The following RBM4 variants were observed in gnomAD, a reference collection of about 807,000 sequenced individuals.
The protein encoded by RBM4 is RNA binding motif protein 4.
Under a neutral mutation model 29.5 loss-of-function variants are expected in RBM4, and 7 were observed. The observed-to-expected ratio is 0.24, with a 90% CI of 0.14 to 0.45. The LOEUF (loss-of-function observed/expected upper bound fraction) is 0.45, where lower values mean the gene tolerates loss of function less well. Among genes scored for constraint, RBM4 ranks in the 20% least tolerant of loss-of-function variants. The probability of loss-of-function intolerance (pLI) is 1.00; values close to 1 mark genes in which losing one functional copy is unlikely to be tolerated. For missense variants in RBM4, 387 were observed against 502.3 expected (o/e 0.77, Z 2.19); for synonymous variants, 220 against 205.4 (o/e 1.07, Z -0.61).
At chr11:66,653,138 C>T (rs1055407516) in intron 2 of RBM4, among the ~76,000 whole-genome samples, 1 of 152,074 alleles carries the variant, frequency 6.6e-6, no homozygotes, top group East Asian at 1.9e-4. Context: ...AGTTTCACAA[C>T]GTAAGGAAGA....
intron 2 of RBM4, among the ~76,000 whole-genome samples, chr11:66,651,968 T>G (rs1938842022): frequency 6.6e-6 from 1 of 152,110 alleles, no homozygotes; most frequent in Non-Finnish European, 1.5e-5. Flanking sequence ...TGGGGGGACA[T>G]AAACACTCAA....
In RBM4 at chr11:66,662,358, T is replaced by A. The variant is rs114167212; in HGVS notation, c.413-3498T>A. ...TGATATAGAACTCTTTTGCAGAAAATTTTTTTTCTTGTGCCAATGACATAG... is the reference window on the plus strand; with the variant it reads ...TGATATAGAACTCTTTTGCAGAAAAATTTTTTTCTTGTGCCAATGACATAG... On this transcript the variant is annotated intron_variant, in intron 2 of 2. Transcript: ENST00000396053. Among the ~76,000 whole-genome samples, 1,348 of 152,108 alleles carry A rather than the reference T, an allele frequency of 8.9e-3. 22 individuals are homozygous for A. The highest frequency in any genetic ancestry group is 0.03 in the African/African-American group (1,254 of 41,464).
chr11:66,651,125 G>C (rs190021481), downstream of RBM4, among the ~76,000 whole-genome samples: 11 of 152,106 alleles, frequency 7.2e-5, no homozygotes, highest in East Asian at 1.9e-4. Context: ...GTAGACTCGG[G>C]GGGGGATGGA....
Position 66,639,967 on chromosome 11 carries a change from A to G in RBM4, c.256A>G (p.Ser86Gly). The change falls in exon 2 of 4, where the codon AGT becomes GGT. Residue 86 changes from serine to glycine, a missense_variant. Physicochemically the swap from Ser to Gly is moderately conservative, Grantham distance 56 (BLOSUM62 0). Coordinates refer to ENST00000310092, the MANE Select transcript of RBM4 (RefSeq NM_002896.4). ...TSTKLHVGNI[S>G]PTCTNKELRA... ...AACAAAGTTGCATGTGGGCAACATC[A>G]GTCCCACCTGCACCAATAAGGAGCT... The G allele has an allele frequency of 6.2e-7, 1 of 1,614,232 alleles. No individual in the cohort carries two copies. The highest frequency in any genetic ancestry group is 8.5e-7 in the Non-Finnish European group (1 of 1,180,050).
downstream of RBM4, among the ~76,000 whole-genome samples, chr11:66,647,141 T>G (rs1049451236): frequency 6.6e-6 from 1 of 152,210 alleles, no homozygotes; most frequent in Non-Finnish European, 1.5e-5. Flanking sequence ...CTTGAAACAG[T>G]TATTTGTCTT....
At position 66,639,852 on chromosome 11, in the gene RBM4, A is replaced by G. The variant is rs771309396; in HGVS notation, c.141A>G (p.Ala47=). Residue 47 remains alanine, a synonymous_variant, in exon 2 of 4, where the codon GCA becomes GCG. Coordinates refer to ENST00000310092, the MANE Select transcript of RBM4 (RefSeq NM_002896.4). The part of the protein sequence containing the change: ...YGFVHIEDKT[A]AEDAIRNLHH... ...TTGTGCACATAGAAGACAAGACGGCAGCTGAGGATGCCATACGCAACCTGC... is the reference window on the plus strand; with the variant it reads ...TTGTGCACATAGAAGACAAGACGGCGGCTGAGGATGCCATACGCAACCTGC... 1 of 1,614,054 alleles carries G rather than the reference A, an allele frequency of 6.2e-7. No individual in the cohort carries two copies. The highest frequency in any genetic ancestry group is 2.2e-5 in the East Asian group (1 of 44,894).
chr11:66,642,142 G>A (rs1007335298), intron 2 of RBM4, among the ~76,000 whole-genome samples: 1 of 152,174 alleles, frequency 6.6e-6, no homozygotes, highest in African/African-American at 2.4e-5. Flanking sequence ...AGACCTCCTT[G>A]ATATTTTGTT....
intron 2 of RBM4, among the ~76,000 whole-genome samples, chr11:66,652,938 T>C (rs1938863883): frequency 6.6e-6 from 1 of 152,184 alleles, no homozygotes; most frequent in East Asian, 1.9e-4. Context: ...TAGCTAGTGA[T>C]GAGTGAATTG....
At chr11:66,656,657 GC>G (rs1263909002) in intron 2 of RBM4, among the ~76,000 whole-genome samples, 1 of 151,766 alleles carries the variant, frequency 6.6e-6, no homozygotes, top group African/African-American at 2.4e-5. Context: ...TTTTTGGGGG[GC>G]CTTTTGTTTT....
chr11:66,665,355 T>C, intron 2 of RBM4: 1 of 586,196 alleles, frequency 1.7e-6, no homozygotes. Flanking sequence ...CTAGGGCTGC[T>C]CAGAGGCTGA....
At chr11:66,641,270 A>T (rs1938450491) in intron 2 of RBM4, 1 of 152,222 alleles carries the variant, frequency 6.6e-6, no homozygotes, top group African/African-American at 2.4e-5. Context: ...TTTTCTGGGT[A>T]CTACCTTTGT....
chr11:66,655,125 A>C (rs956509297), intron 2 of RBM4, among the ~76,000 whole-genome samples: 1 of 151,964 alleles, frequency 6.6e-6, no homozygotes, highest in Non-Finnish European at 1.5e-5. Context: ...AGCTGGGATT[A>C]CAGGCATGCA....
chr11:66,653,604 C>T (rs1052050848), intron 2 of RBM4, among the ~76,000 whole-genome samples: 25 of 152,248 alleles, frequency 1.6e-4, no homozygotes, highest in Middle Eastern at 3.4e-3. Context: ...TCAGGTGATC[C>T]ACCTGCCTTG....
At chr11:66,659,948 A>T (rs912588297) in intron 2 of RBM4, among the ~76,000 whole-genome samples, 1 of 152,082 alleles carries the variant, frequency 6.6e-6, no homozygotes, top group Non-Finnish European at 1.5e-5. Flanking sequence ...GTTACTTAGA[A>T]CCTTTCAGCA....
At chr11:66,658,337 C>CTTTTTTTTTTTTTTTTTTTTT (rs35133059) in intron 2 of RBM4, among the ~76,000 whole-genome samples, 1 of 50,458 alleles carries the variant, frequency 2.0e-5, no homozygotes, top group Non-Finnish European at 3.4e-5. Context: ...CTAGTCTGAC[C>CTTTTTTTTTTTTTTTTTTTTT]TTTTTTTTTT....
intron 2 of RBM4, among the ~76,000 whole-genome samples, chr11:66,663,213 T>C (rs1939118163): frequency 6.6e-6 from 1 of 152,212 alleles, no homozygotes; most frequent in Non-Finnish European, 1.5e-5. Flanking sequence ...CTAGAAGACA[T>C]ACTTTACTGC....
In RBM4 at chr11:66,643,912, C is replaced by A. The variant is rs745344458; in HGVS notation, c.875C>A (p.Ala292Asp). ...AAATAAAAAAAAAAVTAASTS... is the reference protein window; with the variant it reads ...AAATAAAAAADAAAVTAASTS... ...GCCACAGCTGCTGCTGCAGCAGCAG[C>A]CGCTGCTGCTGTTACTGCAGCTTCC... The change falls in exon 3 of 4, where the codon GCC becomes GAC. Residue 292 changes from alanine (A) to aspartate (D), a missense_variant. By Grantham distance (126) the Ala-to-Asp change is moderately radical. Around this residue, in one of 2 missense-constraint regions of RBM4, gnomAD observed 281 missense variants for 288.7 expected, o/e 0.97. Transcript: ENST00000310092. This position sits in a 1 kb window ranked among gnomAD's most constrained non-coding sequence, Gnocchi z 6.1. 2.5e-6 allele frequency: 4 copies of A among 1,611,376 alleles called. No individual in the cohort carries two copies. The African/African-American group carries it at 4.0e-5, about 16-fold the overall frequency.
At chr11:66,660,311 TA>T (rs1262581109) in intron 2 of RBM4, among the ~76,000 whole-genome samples, 2 of 151,260 alleles carry the variant, frequency 1.3e-5, no homozygotes, top group Non-Finnish European at 2.9e-5. Flanking sequence ...TAATTTGTGG[TA>T]CTTATCACAA....
In RBM4 at chr11:66,639,891, T is replaced by C; in HGVS notation, c.180T>C (p.Leu60=). ...TACGCAACCTGCACCATTACAAGCTTCATGGGGTGAACATCAACGTGGAAG... is the reference window on the plus strand; with the variant it reads ...TACGCAACCTGCACCATTACAAGCTCCATGGGGTGAACATCAACGTGGAAG... The part of the protein sequence containing the change: ...DAIRNLHHYK[L]HGVNINVEAS... The change falls in exon 2 of 4, where the codon CTT becomes CTC. Residue 60 remains leucine (L), a synonymous_variant. Transcript: ENST00000310092. 1 of 1,614,102 alleles carries C rather than the reference T, an allele frequency of 6.2e-7. No homozygotes were observed. The highest frequency in any genetic ancestry group is 8.5e-7 in the Non-Finnish European group (1 of 1,180,018).
Sources: gnomAD v4.1 joint callset for allele counts (sites outside exome capture counted in the v4.1 genomes callset) on GRCh38, gnomAD v4.1.1 for gene constraint, gnomAD v4.1.1 regional missense constraint, Gnocchi (gnomAD v3.1) non-coding constraint, MANE v1.5 for transcripts, NCBI Gene and HGNC (gene_info 2026-07-23, HGNC 2026-07-21) for gene names.